The following TMEM163 variants were observed in gnomAD, a reference collection of about 807,000 sequenced individuals.
TMEM163 encodes the protein transmembrane protein 163.
In TMEM163, 17 loss-of-function variants were observed where a neutral mutation model predicts 29.3. That is an observed-to-expected ratio of 0.58 (90% CI 0.40 to 0.87). The LOEUF is 0.87. TMEM163 is among the 40% of genes least tolerant of loss of function. The pLI, the probability that TMEM163 is intolerant of heterozygous loss-of-function variation, is 0.00. For missense variants in TMEM163, 303 were observed against 381.5 expected, an observed-to-expected ratio of 0.79 and a Z score of 1.71; for synonymous variants, 157 against 160.6, an observed-to-expected ratio of 0.98 and a Z score of 0.17.
intron 2 of TMEM163, among the ~76,000 whole-genome samples, chr2:134,568,159 T>C (rs1435408707): frequency 6.6e-6 from 1 of 152,232 alleles, no homozygotes; most frequent in Non-Finnish European, 1.5e-5. Context: ...AGATCTATCA[T>C]GTTCCAGTAG....
Position 134,460,511 on chromosome 2 carries a change from C to G in TMEM163, c.668-2338G>C, listed in dbSNP as rs890502845. 6.6e-6 allele frequency among the ~76,000 whole-genome samples: 1 copy of G among 152,190 alleles called. No individual in the cohort carries two copies. The highest frequency in any genetic ancestry group is 2.4e-5 in the African/African-American group (1 of 41,440). On this transcript the variant is annotated intron_variant, in intron 6 of 7. Transcript: ENST00000281924. The surrounding 1 kb of genome is among the most constrained non-coding windows in gnomAD (Gnocchi z 4.3). The stretch of plus-strand genomic sequence containing the variant: ...AGTATTCGAAGTCCCAGGACAGGGC[C>G]TGGCATTCATCAGGGGTGCAAATGA...
chr2:134,590,578 T>C (rs1054715281), intron 2 of TMEM163, among the ~76,000 whole-genome samples: 4 of 152,172 alleles, frequency 2.6e-5, no homozygotes, highest in African/African-American at 9.7e-5. Flanking sequence ...TGAGTCCATA[T>C]AGTAAAGTGA....
chr2:134,531,416 G>T (rs1345755617), intron 4 of TMEM163, among the ~76,000 whole-genome samples: 1 of 152,172 alleles, frequency 6.6e-6, no homozygotes, highest in Non-Finnish European at 1.5e-5. Flanking sequence ...TACCCACTCG[G>T]TGACGGTGTC....
chr2:134,691,520 T>C (rs1011427270), intron 2 of TMEM163, among the ~76,000 whole-genome samples: 8 of 152,210 alleles, frequency 5.3e-5, no homozygotes, highest in African/African-American at 1.7e-4. Flanking sequence ...AACAACTCTA[T>C]TGTAAATACA....
At chr2:134,552,027 A>C in intron 3 of TMEM163, 21 bp downstream of exon 3, 1 of 1,611,590 alleles carries the variant, frequency 6.2e-7, no homozygotes, top group South Asian at 1.1e-5. Flanking sequence ...ACTTGATGAA[A>C]GTACATTTCA....
At chr2:134,654,587 AT>A (rs1252408408) in intron 2 of TMEM163, among the ~76,000 whole-genome samples, 1 of 75,542 alleles carries the variant, frequency 1.3e-5, no homozygotes, top group Non-Finnish European at 2.3e-5. Context: ...TGATCCTGTC[AT>A]TATGATGTTA....
intron 2 of TMEM163, among the ~76,000 whole-genome samples, chr2:134,669,577 T>A (rs1363580592): frequency 1.3e-5 from 2 of 152,214 alleles, no homozygotes; most frequent in Non-Finnish European, 2.9e-5. Context: ...TCCATGTGCA[T>A]CTCTCTCAGT....
chr2:134,713,062 T>A, intron 2 of TMEM163, 138 bp downstream of exon 2: 1 of 1,292,434 alleles, frequency 7.7e-7, no homozygotes, highest in Non-Finnish European at 1.1e-6. Context: ...AATTTATCAG[T>A]ACCCTGACTA....
intron 2 of TMEM163, among the ~76,000 whole-genome samples, chr2:134,708,353 A>C (rs1684861200): frequency 6.6e-6 from 1 of 152,222 alleles, no homozygotes. Context: ...AGAATCGTGC[A>C]ATTTCATTTT....
At chr2:134,546,928 A>G (rs1354280342) in intron 4 of TMEM163, among the ~76,000 whole-genome samples, 2 of 152,214 alleles carry the variant, frequency 1.3e-5, no homozygotes, top group African/African-American at 4.8e-5. Flanking sequence ...ACTGAAATAA[A>G]CCAGTCACAA....
intron 2 of TMEM163, among the ~76,000 whole-genome samples, chr2:134,685,008 T>C (rs926779789): frequency 2.0e-5 from 3 of 150,978 alleles, no homozygotes; most frequent in African/African-American, 4.9e-5. Flanking sequence ...AGAACGTCCA[T>C]CCTCTCCCAC....
intron 4 of TMEM163, among the ~76,000 whole-genome samples, chr2:134,533,502 A>G (rs2106500067): frequency 6.6e-6 from 1 of 152,358 alleles, no homozygotes; most frequent in African/African-American, 2.4e-5. Flanking sequence ...TCACTTTAAC[A>G]TTCATATTAA....
intron 2 of TMEM163, among the ~76,000 whole-genome samples, chr2:134,552,388 T>A (rs1680950030): frequency 2.0e-5 from 3 of 152,208 alleles, no homozygotes; most frequent in Admixed American, 1.3e-4. Flanking sequence ...CTTTGAGAAT[T>A]TAGCAACTGG....
At chr2:134,466,026 C>T (rs1283655075) in intron 6 of TMEM163, 88 bp downstream of exon 6, 12 of 926,514 alleles carry the variant, frequency 1.3e-5, no homozygotes, top group Non-Finnish European at 1.8e-5. Context: ...AGTTCTCCAG[C>T]AAGGGAAACA....
intron 2 of TMEM163, among the ~76,000 whole-genome samples, chr2:134,710,824 C>T (rs1397768486): frequency 6.6e-6 from 1 of 151,902 alleles, no homozygotes; most frequent in Non-Finnish European, 1.5e-5. Context: ...CTAACACAAA[C>T]ACACACAGGC....
intron 2 of TMEM163, among the ~76,000 whole-genome samples, chr2:134,583,600 G>A (rs536927898): frequency 1.4e-4 from 22 of 152,300 alleles, no homozygotes; most frequent in Non-Finnish European, 3.2e-4. Context: ...GAAACTGAAG[G>A]CAATGGAGTT....
chr2:134,626,262 G>A (rs1049111900), intron 2 of TMEM163, among the ~76,000 whole-genome samples: 6 of 151,852 alleles, frequency 4.0e-5, no homozygotes, highest in Admixed American at 6.6e-5. Flanking sequence ...GTGCTACCAC[G>A]CCCAGCTAAT....
At chr2:134,502,330 T>C (rs1265839256) in intron 5 of TMEM163, among the ~76,000 whole-genome samples, 2 of 152,134 alleles carry the variant, frequency 1.3e-5, no homozygotes, top group African/African-American at 2.4e-5. Context: ...AAATATTTCT[T>C]TTCTCAGCAC....
chr2:134,502,872 G>T (rs1344520574), intron 5 of TMEM163, 29 bp downstream of exon 5: 1 of 1,605,818 alleles, frequency 6.2e-7, no homozygotes, highest in Non-Finnish European at 8.5e-7. Flanking sequence ...CTGGCAGGAA[G>T]GATTGTTAAG....
Sources: allele counts gnomAD v4.1 joint callset (sites outside exome capture counted in the v4.1 genomes callset), GRCh38; gene constraint gnomAD v4.1.1; non-coding constraint Gnocchi (gnomAD v3.1); transcripts MANE v1.5; gene names NCBI Gene and HGNC (gene_info 2026-07-23, HGNC 2026-07-21).